The following VMP1 variants were observed in gnomAD, a reference collection of about 807,000 sequenced individuals.
The protein encoded by VMP1 is ectopic P-granules autophagy protein 3 homolog.
A neutral mutation model predicts 56.0 loss-of-function variants in VMP1; 11 were observed. That is an observed-to-expected ratio of 0.20 (90% confidence interval 0.12 to 0.32). VMP1 has a LOEUF of 0.32. Ranked by LOEUF, VMP1 falls within the 10% of genes least tolerant of loss-of-function variation. The probability of loss-of-function intolerance (pLI) is 1.00; values close to 1 mark genes in which losing one functional copy is unlikely to be tolerated. For synonymous variants in VMP1, 149 were observed against 165.0 expected, an observed-to-expected ratio of 0.90 and a Z score of 0.74; for missense variants, 296 against 490.3, an observed-to-expected ratio of 0.60 and a Z score of 3.74.
intron 7 of VMP1, among the ~76,000 whole-genome samples, chr17:59,787,569 C>A (rs1309557864): frequency 6.6e-6 from 1 of 152,152 alleles, no homozygotes; most frequent in Non-Finnish European, 1.5e-5. Flanking sequence ...CGACTGTAAT[C>A]CCAGCATTTT....
chr17:59,718,184 CTT>C (rs971095445), intron 1 of VMP1, among the ~76,000 whole-genome samples: 10 of 79,246 alleles, frequency 1.3e-4, no homozygotes, highest in Non-Finnish European at 1.0e-4. Context: ...TCCCTCCCTC[CTT>C]TTTTTTTTTT....
At chr17:59,782,283 A>G (rs1568136311) in intron 7 of VMP1, among the ~76,000 whole-genome samples, 1 of 150,568 alleles carries the variant, frequency 6.6e-6, no homozygotes, top group Non-Finnish European at 1.5e-5. Context: ...TACATATGAT[A>G]TGATGTAGGA....
chr17:59,723,254 T>G (rs2034467624), intron 1 of VMP1, among the ~76,000 whole-genome samples: 1 of 152,186 alleles, frequency 6.6e-6, no homozygotes, highest in African/African-American at 2.4e-5. Context: ...ATTTTGCCTT[T>G]GAAAGAAAGA....
intron 10 of VMP1, among the ~76,000 whole-genome samples, chr17:59,835,349 G>A (rs1352342338): frequency 2.0e-5 from 3 of 152,006 alleles, no homozygotes; most frequent in Admixed American, 6.6e-5. Context: ...GGCTGGTCTC[G>A]AACTCCTGAC....
At chr17:59,809,957 G>T (rs2037999684) in intron 8 of VMP1, among the ~76,000 whole-genome samples, 1 of 152,076 alleles carries the variant, frequency 6.6e-6, no homozygotes, top group African/African-American at 2.4e-5. Context: ...TTCCAATGAA[G>T]AATATACTAC....
chr17:59,715,166 T>A (rs1003308592), intron 1 of VMP1, among the ~76,000 whole-genome samples: 2 of 152,254 alleles, frequency 1.3e-5, no homozygotes, highest in Non-Finnish European at 2.9e-5. Context: ...ATATTTGAAT[T>A]GCTTTTTTTA....
intron 5 of VMP1, among the ~76,000 whole-genome samples, chr17:59,758,096 C>T (rs2035912898): frequency 6.6e-6 from 1 of 151,934 alleles, no homozygotes; most frequent in African/African-American, 2.4e-5. Context: ...CCCGCCTCAG[C>T]CTCCCAAAGT....
intron 5 of VMP1, among the ~76,000 whole-genome samples, chr17:59,744,772 T>C (rs2035364685): frequency 6.6e-6 from 1 of 151,950 alleles, no homozygotes. Context: ...ATCTAGTATA[T>C]GCCATTTCCA....
In VMP1 at chr17:59,801,735, A is replaced by G. The variant is rs145064700; in HGVS notation, c.715-7061A>G. Reference sequence around the variant, plus strand: ...TGTGGTGAAACCCCATCTCTACTACAAATACAAAAATTAGCCAGATGTGGT... The same window carrying G: ...TGTGGTGAAACCCCATCTCTACTACGAATACAAAAATTAGCCAGATGTGGT... On this transcript the variant is annotated intron_variant, in intron 7 of 11. Transcript: ENST00000262291. 2.5e-3 allele frequency among the ~76,000 whole-genome samples: 387 copies of G among 152,194 alleles called. 1 individual carries two copies. Among genetic ancestry groups the G allele is most frequent in the African/African-American group, 8.3e-3 (345 of 41,520 alleles).
Position 59,819,459 on chromosome 17 carries a change from T to G in VMP1, c.974+1686T>G, listed in dbSNP as rs112516885. Among the ~76,000 whole-genome samples the G allele has an allele frequency of 3.5e-3, 537 of 151,772 alleles. 4 individuals are homozygous for G. The highest frequency in any genetic ancestry group is 1.0e-2 in the African/African-American group (410 of 41,204). On this transcript the variant is annotated intron_variant, in intron 10 of 11. Transcript: ENST00000262291. ...TGCCTGGCTTCCCTTATGTTTTTGG[T>G]TTTTTTTGTTGTTGTTTTTGAGACA... is the stretch of plus-strand genomic sequence containing the variant.
intron 10 of VMP1, among the ~76,000 whole-genome samples, chr17:59,830,591 C>T (rs755371599): frequency 1.3e-3 from 194 of 152,290 alleles, no homozygotes; most frequent in Admixed American, 2.6e-3. Flanking sequence ...AAGAGGCTAT[C>T]GCCTCCTTAC....
At position 59,811,711 on chromosome 17, in the gene VMP1, A is replaced by G. The variant is rs768321408; in HGVS notation, c.837A>G (p.Gly279=). 1.2e-6 allele frequency: 2 copies of G among 1,613,992 alleles called. No individual in the cohort carries two copies. Among genetic ancestry groups the G allele is most frequent in the South Asian group, 2.2e-5 (2 of 91,066 alleles). The change falls in exon 9 of 12, where the codon GGA becomes GGG. Residue 279 remains glycine (G), a synonymous_variant. Transcript: ENST00000262291. ...PLFDLAGITC[G]HFLVPFWTFF... ...TTGATCTGGCTGGAATAACGTGTGG[A>G]CACTTTCTGGTACCTTTTTGGACCT...
intron 10 of VMP1, among the ~76,000 whole-genome samples, chr17:59,820,978 T>G (rs567223669): frequency 6.6e-6 from 1 of 151,204 alleles, no homozygotes. Flanking sequence ...TTTTTTGTTT[T>G]TTTTTTTTTT....
chr17:59,777,039 C>T (rs1280876726), intron 7 of VMP1, among the ~76,000 whole-genome samples: 1 of 152,172 alleles, frequency 6.6e-6, no homozygotes. Flanking sequence ...ATACCACTTT[C>T]CACTCGGTAA....
At chr17:59,800,976 A>T (rs1435321006) in intron 7 of VMP1, among the ~76,000 whole-genome samples, 1 of 151,348 alleles carries the variant, frequency 6.6e-6, no homozygotes, top group Non-Finnish European at 1.5e-5. Flanking sequence ...GCTACTCAGG[A>T]GGGTGAGGCA....
At chr17:59,797,945 G>A (rs1389837882) in intron 7 of VMP1, among the ~76,000 whole-genome samples, 1 of 152,214 alleles carries the variant, frequency 6.6e-6, no homozygotes, top group Non-Finnish European at 1.5e-5. Context: ...AGCTAAATCT[G>A]TGGTAATGGA....
intron 1 of VMP1, among the ~76,000 whole-genome samples, chr17:59,727,180 G>T (rs892137289): frequency 1.3e-5 from 2 of 151,514 alleles, no homozygotes; most frequent in African/African-American, 4.9e-5. Flanking sequence ...TCTCGCCCAT[G>T]CTGGAGTGCA....
chr17:59,831,352 T>G (rs537277746), intron 10 of VMP1, among the ~76,000 whole-genome samples: 1 of 152,164 alleles, frequency 6.6e-6, no homozygotes, highest in South Asian at 2.1e-4. Flanking sequence ...TTTAAACTTT[T>G]GTAGAGACAG....
chr17:59,784,631 A>C (rs1003150421), intron 7 of VMP1, among the ~76,000 whole-genome samples: 2 of 152,252 alleles, frequency 1.3e-5, no homozygotes, highest in African/African-American at 2.4e-5. Context: ...CTACTCATGC[A>C]GTGGATACTT....
Sources: gnomAD v4.1 joint callset for allele counts (sites outside exome capture counted in the v4.1 genomes callset) on GRCh38, gnomAD v4.1.1 for gene constraint, MANE v1.5 for transcripts, NCBI Gene and HGNC (gene_info 2026-07-23, HGNC 2026-07-21) for gene names.